Variants in IGSF21 observed in about 807,000 individuals in gnomAD.
IGSF21 encodes the protein immunoglobulin superfamily member 21.
IGSF21 carries 28 observed loss-of-function variants against 46.8 expected under a neutral mutation model. The ratio of observed to expected loss-of-function variants is 0.60; its 90% CI spans 0.44 to 0.82. IGSF21 has a LOEUF of 0.82. Ranked by LOEUF, IGSF21 falls within the 40% of genes least tolerant of loss-of-function variation. The pLI, the probability that IGSF21 is intolerant of heterozygous loss-of-function variation, is 0.00. For missense variants in IGSF21, 624 were observed against 665.5 expected (o/e 0.94, Z 0.69); for synonymous variants, 284 against 273.6 (o/e 1.04, Z -0.38).
chr1:18,225,647 G>T (rs942107188), intron 1 of IGSF21, among the ~76,000 whole-genome samples: 1 of 152,116 alleles, frequency 6.6e-6, no homozygotes, highest in Non-Finnish European at 1.5e-5. Flanking sequence ...ATCTGCAAAG[G>T]TGAGAGAGAG....
chr1:18,313,707 C>T (rs1474345914), intron 3 of IGSF21, among the ~76,000 whole-genome samples: 1 of 152,172 alleles, frequency 6.6e-6, no homozygotes, highest in African/African-American at 2.4e-5. Context: ...TAATATTGCT[C>T]CCATTTTACA....
chr1:18,251,770 G>A (rs2084844193), intron 2 of IGSF21, among the ~76,000 whole-genome samples: 1 of 152,122 alleles, frequency 6.6e-6, no homozygotes, highest in Non-Finnish European at 1.5e-5. Flanking sequence ...GACTAGGAGA[G>A]CTAAGAGGCT....
chr1:18,271,264 A>G (rs12401679), intron 2 of IGSF21, among the ~76,000 whole-genome samples: 32,732 of 152,002 alleles, frequency 0.22, 3,707 homozygotes, highest in African/African-American at 0.27. Flanking sequence ...GACACTGATG[A>G]TATCTGTCAT....
intron 2 of IGSF21, among the ~76,000 whole-genome samples, chr1:18,270,346 C>A (rs2085030685): frequency 6.6e-6 from 1 of 152,202 alleles, no homozygotes; most frequent in Non-Finnish European, 1.5e-5. Context: ...TCCCAAGCCC[C>A]AGATATTCTG....
At chr1:18,131,754 A>C (rs1237973934) in intron 1 of IGSF21, among the ~76,000 whole-genome samples, 1 of 152,164 alleles carries the variant, frequency 6.6e-6, no homozygotes, top group Non-Finnish European at 1.5e-5. Flanking sequence ...TCTGGGGCAC[A>C]TAGTCCTTTC....
At chr1:18,159,685 CTT>C (rs11371899) in intron 1 of IGSF21, among the ~76,000 whole-genome samples, 2 of 138,732 alleles carry the variant, frequency 1.4e-5, no homozygotes, top group Non-Finnish European at 3.1e-5. Flanking sequence ...TCGGGTATGT[CTT>C]TTTTTTTTTT....
At chr1:18,120,887 C>G (rs191822306) in intron 1 of IGSF21, among the ~76,000 whole-genome samples, 1 of 152,152 alleles carries the variant, frequency 6.6e-6, no homozygotes, top group African/African-American at 2.4e-5. Flanking sequence ...CTGGTCTCTT[C>G]GACATCTCCA....
intron 1 of IGSF21, 111 bp downstream of exon 1, chr1:18,108,309 G>C: frequency 9.0e-7 from 1 of 1,114,440 alleles, no homozygotes; most frequent in Non-Finnish European, 1.1e-6. Flanking sequence ...TACGAGCACC[G>C]GTCCTGCCCG....
intron 1 of IGSF21, 120 bp from the exon 2 acceptor site, chr1:18,227,778 G>C: frequency 4.3e-6 from 3 of 704,478 alleles, no homozygotes; most frequent in Non-Finnish European, 7.8e-6. Flanking sequence ...CCTCAAAGTT[G>C]TGCAACTACA....
At chr1:18,116,855 A>G (rs1310589860) in intron 1 of IGSF21, among the ~76,000 whole-genome samples, 1 of 152,248 alleles carries the variant, frequency 6.6e-6, no homozygotes, top group Non-Finnish European at 1.5e-5. Flanking sequence ...GTTTCCAGGC[A>G]GGAGAAACAG....
intron 6 of IGSF21, among the ~76,000 whole-genome samples, chr1:18,369,441 C>T (rs1011816957): frequency 2.6e-5 from 4 of 152,156 alleles, no homozygotes; most frequent in Admixed American, 2.6e-4. Context: ...TTTAGAGTAA[C>T]CTTTCTTAGG....
chr1:18,359,373 A>AG (rs2086063464), intron 4 of IGSF21, among the ~76,000 whole-genome samples: 1 of 110,552 alleles, frequency 9.0e-6, no homozygotes, highest in African/African-American at 3.8e-5. Context: ...AAAGAAAGAA[A>AG]GAAAGAAAGA....
At chr1:18,317,691 C>G (rs1191682868) in intron 3 of IGSF21, among the ~76,000 whole-genome samples, 1 of 152,206 alleles carries the variant, frequency 6.6e-6, no homozygotes, top group Non-Finnish European at 1.5e-5. Flanking sequence ...ATACCCAGGC[C>G]TCTCAAAAGA....
intron 2 of IGSF21, among the ~76,000 whole-genome samples, chr1:18,254,924 G>A (rs1169599109): frequency 6.6e-6 from 1 of 152,152 alleles, no homozygotes; most frequent in Non-Finnish European, 1.5e-5. Context: ...TTGAGCCAGT[G>A]ACGTTGTCCT....
chr1:18,281,426 C>T (rs1435199577), intron 2 of IGSF21, among the ~76,000 whole-genome samples: 3 of 152,078 alleles, frequency 2.0e-5, no homozygotes, highest in South Asian at 2.1e-4. Flanking sequence ...ACTAGCCAGT[C>T]GTGGTGGTGG....
rs548284891 is a variant in IGSF21, at chr1:18,260,049, G to T, written c.184-31817G>T. ...TGGGTATAAAAACATCCCCCTCATC[G>T]TTTGGAGAGGCAGTAGATTTAAGTC... On this transcript the variant is annotated intron_variant, in intron 2 of 9. Transcript: ENST00000251296. Among the ~76,000 whole-genome samples the T allele has an allele frequency of 2.9e-4, 44 of 152,304 alleles. 1 individual carries two copies. The South Asian group carries it at 6.0e-3, about 21-fold the overall frequency.
chr1:18,257,727 C>T (rs2084905195), intron 2 of IGSF21, among the ~76,000 whole-genome samples: 1 of 152,180 alleles, frequency 6.6e-6, no homozygotes, highest in African/African-American at 2.4e-5. Context: ...ACATTACAAC[C>T]TGGAGGATTT....
At position 18,108,080 on chromosome 1, in the gene IGSF21, A is replaced by G; in HGVS notation, c.-49A>G. The G allele has an allele frequency of 1.1e-6, 1 of 922,546 alleles. No homozygotes were observed. The highest frequency in any genetic ancestry group is 2.0e-5 in the South Asian group (1 of 50,204). 57.1% of individuals were successfully genotyped at this position (922,546 alleles called of 1,614,324 possible). ...GCCCATGGCGAGGGGACCCGCCGCCACCGCCTCCACCCCCGCCGCCCCGCC... is the reference window on the plus strand; with the variant it reads ...GCCCATGGCGAGGGGACCCGCCGCCGCCGCCTCCACCCCCGCCGCCCCGCC... On this transcript the variant is annotated 5_prime_UTR_variant, in exon 1 of 10. Transcript: ENST00000251296.
chr1:18,292,979 C>T (rs925771851), intron 3 of IGSF21, among the ~76,000 whole-genome samples: 16 of 152,238 alleles, frequency 1.1e-4, no homozygotes, highest in Non-Finnish European at 1.9e-4. Context: ...GGGGACCGTG[C>T]TGCATCGGGT....
Sources: gnomAD v4.1 joint callset for allele counts (sites outside exome capture counted in the v4.1 genomes callset) on GRCh38, gnomAD v4.1.1 for gene constraint, MANE v1.5 for transcripts, NCBI Gene and HGNC (gene_info 2026-07-23, HGNC 2026-07-21) for gene names.